The following TNRC6B variants were observed in gnomAD, a reference collection of about 807,000 sequenced individuals.
TNRC6B encodes trinucleotide repeat containing adaptor 6B.
A neutral mutation model predicts 203.6 loss-of-function variants in TNRC6B; 52 were observed. The ratio of observed to expected loss-of-function variants is 0.26; its 90% confidence interval spans 0.20 to 0.32. The LOEUF is 0.32. Among genes scored for constraint, TNRC6B ranks in the 10% least tolerant of loss-of-function variants. The probability of loss-of-function intolerance (pLI) is 1.00; values close to 1 mark genes in which losing one functional copy is unlikely to be tolerated. For missense variants in TNRC6B, 1,923 were observed against 2,286.2 expected, an observed-to-expected ratio of 0.84 and a Z score of 3.24; for synonymous variants, 838 against 845.7, an observed-to-expected ratio of 0.99 and a Z score of 0.16.
chr22:40,123,007 G>C (rs746005400), intron 2 of TNRC6B, among the ~76,000 whole-genome samples: 11 of 152,148 alleles, frequency 7.2e-5, no homozygotes, highest in Non-Finnish European at 1.2e-4. Flanking sequence ...TTCCGCTTCA[G>C]GTCTAGCAAT....
intron 1 of TNRC6B, among the ~76,000 whole-genome samples, chr22:40,072,692 C>G (rs2067961663): frequency 9.9e-5 from 15 of 151,844 alleles, no homozygotes; most frequent in Admixed American, 9.9e-4. Flanking sequence ...GGGGAAACCC[C>G]AGCTCCACTA....
chr22:40,313,845 T>G (rs1184670265), intron 19 of TNRC6B, among the ~76,000 whole-genome samples: 1 of 152,252 alleles, frequency 6.6e-6, no homozygotes, highest in East Asian at 1.9e-4. Context: ...ATTTTTATTT[T>G]ACCTTCACCA....
chr22:40,175,096 T>C (rs937243465), upstream of TNRC6B, among the ~76,000 whole-genome samples: 1 of 152,122 alleles, frequency 6.6e-6, no homozygotes, highest in Non-Finnish European at 1.5e-5. Flanking sequence ...CAGTGCCTCA[T>C]GCCTGTAATC....
chr22:40,290,273 C>T (rs1192234660), intron 12 of TNRC6B, among the ~76,000 whole-genome samples: 1 of 152,186 alleles, frequency 6.6e-6, no homozygotes, highest in East Asian at 1.9e-4. Context: ...TTCATAGTCA[C>T]TGTGCAGACA....
In TNRC6B at chr22:40,334,117, T is replaced by G. The variant is rs1177078814; in HGVS notation, c.*10876T>G. On this transcript the variant is annotated 3_prime_UTR_variant, in exon 23 of 23. Coordinates refer to ENST00000454349, the MANE Select transcript of TNRC6B (RefSeq NM_001162501.2). The stretch of plus-strand genomic sequence containing the variant: ...TTTTCTATCAGTCTCTGATCCCTCA[T>G]GGGTTCTGCCTGCCCTTGTATCTCT... 6.6e-6 allele frequency: 1 copy of G among 152,664 alleles called. No homozygotes were observed. Among genetic ancestry groups the G allele is most frequent in the Non-Finnish European group, 1.5e-5 (1 of 68,066 alleles). The allele number at this position is 152,664 out of a possible 1,614,324, so 9.5% of individuals were successfully genotyped here.
chr22:40,194,066 A>G (rs1474766783), intron 1 of TNRC6B, among the ~76,000 whole-genome samples: 1 of 152,200 alleles, frequency 6.6e-6, no homozygotes, highest in Non-Finnish European at 1.5e-5. Context: ...GTGTGGGATA[A>G]CCAGGGGGCA....
At chr22:40,092,292 G>T (rs1441060704) in intron 1 of TNRC6B, among the ~76,000 whole-genome samples, 1 of 151,726 alleles carries the variant, frequency 6.6e-6, no homozygotes, top group Non-Finnish European at 1.5e-5. Flanking sequence ...AATCCCAGCT[G>T]CTTGGGAGGC....
At chr22:40,070,305 CTT>C (rs1359569067) in intron 1 of TNRC6B, among the ~76,000 whole-genome samples, 1 of 152,054 alleles carries the variant, frequency 6.6e-6, no homozygotes, top group Non-Finnish European at 1.5e-5. Flanking sequence ...GATTTTGTGA[CTT>C]TTTATTTGAT....
In TNRC6B at chr22:40,281,248, A is replaced by G. The variant is rs757788193; in HGVS notation, c.3541A>G (p.Ile1181Val). The G allele has an allele frequency of 6.4e-6, 10 of 1,550,486 alleles. No homozygotes were observed. The highest frequency in any genetic ancestry group is 1.2e-5 in the South Asian group (1 of 83,840). Residue 1181 changes from isoleucine to valine, a missense_variant, in exon 11 of 23, where the codon ATC (isoleucine) becomes GTC (valine). This residue lies in a region of TNRC6B where 599 missense variants were observed against 656.5 expected (regional missense o/e 0.91). Transcript: ENST00000454349. ...STLPNVSLGA[I>V]GTGLNPQNFA... ...ACTACCCAACGTCAGCCTTGGAGCA[A>G]TCGGCACAGGGCTCAACCCCCAAAA...
intron 3 of TNRC6B, among the ~76,000 whole-genome samples, chr22:40,255,414 A>C (rs147269688): frequency 1.2e-3 from 178 of 152,304 alleles, no homozygotes; most frequent in African/African-American, 4.2e-3. Flanking sequence ...CAGTGAGTAC[A>C]GGGTAACCTT....
chr22:40,319,257 C>T (rs116987504), intron 21 of TNRC6B, among the ~76,000 whole-genome samples: 6,342 of 151,246 alleles, frequency 0.042, 200 homozygotes, highest in Non-Finnish European at 0.06. Context: ...TGAGACCCCC[C>T]CCATCTCTGA....
In TNRC6B at chr22:40,319,253, C is replaced by G. The variant is rs185912686; in HGVS notation, c.4975-1837C>G. Among the ~76,000 whole-genome samples, 156 of 150,372 alleles carry G rather than the reference C, an allele frequency of 1.0e-3. 1 individual carries two copies. The highest frequency in any genetic ancestry group is 3.5e-3 in the African/African-American group (145 of 40,946). On this transcript the variant is annotated intron_variant, in intron 21 of 22. Coordinates refer to ENST00000454349, the MANE Select transcript of TNRC6B (RefSeq NM_001162501.2). ...AGCCTGGGTGACAGAAGAGTGAGAC[C>G]CCCCCCATCTCTGAATTTAAAAAAA... is the stretch of plus-strand genomic sequence containing the variant.
intron 22 of TNRC6B, among the ~76,000 whole-genome samples, 156 bp from the exon 23 acceptor site, chr22:40,322,698 G>C (rs1025886926): frequency 2.0e-5 from 3 of 152,180 alleles, no homozygotes; most frequent in African/African-American, 7.2e-5. Flanking sequence ...AGAGGTCTTG[G>C]GTGGAGCTTG....
At chr22:40,302,357 G>A (rs181869155) in intron 15 of TNRC6B, among the ~76,000 whole-genome samples, 36 of 152,242 alleles carry the variant, frequency 2.4e-4, no homozygotes, top group Non-Finnish European at 4.1e-4. Flanking sequence ...GAGTTGGGCC[G>A]CGCGCGGTGA....
chr22:40,245,348 C>T (rs2070091558), intron 1 of TNRC6B, among the ~76,000 whole-genome samples: 1 of 152,118 alleles, frequency 6.6e-6, no homozygotes, highest in Admixed American at 6.6e-5. Context: ...GCCTCAGCCT[C>T]CCAGAGTGCT....
chr22:40,167,892 A>G (rs568939752), intron 4 of TNRC6B, among the ~76,000 whole-genome samples: 1 of 152,114 alleles, frequency 6.6e-6, no homozygotes, highest in Admixed American at 6.6e-5. Context: ...ACAGTAACCA[A>G]AAAATACGGG....
At chr22:40,138,230 G>A (rs1017117036) in intron 3 of TNRC6B, among the ~76,000 whole-genome samples, 6 of 152,174 alleles carry the variant, frequency 3.9e-5, no homozygotes, top group African/African-American at 1.4e-4. Context: ...TGTGAAATAG[G>A]AGATAGAGCA....
At chr22:40,289,964 G>A (rs949761684) in intron 12 of TNRC6B, among the ~76,000 whole-genome samples, 2 of 152,240 alleles carry the variant, frequency 1.3e-5, no homozygotes, top group Admixed American at 6.5e-5. Context: ...CATTGCATCA[G>A]TAAGACTGCC....
chr22:40,220,278 A>C (rs2069690588), intron 1 of TNRC6B, among the ~76,000 whole-genome samples: 1 of 152,206 alleles, frequency 6.6e-6, no homozygotes, highest in Admixed American at 6.5e-5. Context: ...CACAGTGGTC[A>C]TGGAGCCGGA....
Sources: gnomAD v4.1 joint callset for allele counts (sites outside exome capture counted in the v4.1 genomes callset) on GRCh38, gnomAD v4.1.1 for gene constraint, gnomAD v4.1.1 regional missense constraint, MANE v1.5 for transcripts, NCBI Gene and HGNC (gene_info 2026-07-23, HGNC 2026-07-21) for gene names.